The following GRID2 variants were observed in gnomAD, a reference collection of about 807,000 sequenced individuals.
GRID2 encodes the protein glutamate receptor ionotropic, delta-2.
Under a neutral mutation model 114.8 loss-of-function variants are expected in GRID2, and 33 were observed. The observed-to-expected ratio is 0.29, with a 90% CI of 0.22 to 0.38. GRID2 has a LOEUF of 0.38. GRID2 is among the 10% of genes least tolerant of loss of function. The probability of loss-of-function intolerance (pLI) is 1.00; values close to 1 mark genes in which losing one functional copy is unlikely to be tolerated. For missense variants in GRID2, 1,184 were observed against 1,257.7 expected (o/e 0.94, Z 0.89); for synonymous variants, 505 against 449.9 (o/e 1.12, Z -1.55).
intron 14 of GRID2, among the ~76,000 whole-genome samples, chr4:93,741,238 G>A (rs1458822843): frequency 2.3e-5 from 3 of 132,130 alleles, no homozygotes; most frequent in East Asian, 4.3e-4. Context: ...ACTTACCAAG[G>A]TTTTGACTCA....
intron 1 of GRID2, among the ~76,000 whole-genome samples, chr4:92,478,788 G>A (rs1722441601): frequency 6.6e-6 from 1 of 151,696 alleles, no homozygotes; most frequent in Admixed American, 6.6e-5. Flanking sequence ...CCTTCTGTAC[G>A]CCTCTCCCAA....
At chr4:92,460,570 A>G (rs1721446218) in intron 1 of GRID2, among the ~76,000 whole-genome samples, 1 of 152,030 alleles carries the variant, frequency 6.6e-6, no homozygotes, top group Non-Finnish European at 1.5e-5. Context: ...AATAATTTTT[A>G]CACTTACTGC....
At chr4:92,982,022 T>TAAAAAAAAAAAAAAAAA (rs1161216679) in intron 2 of GRID2, among the ~76,000 whole-genome samples, 3 of 80,196 alleles carry the variant, frequency 3.7e-5, no homozygotes, top group Non-Finnish European at 5.1e-5. Flanking sequence ...AAAGTACTGG[T>TAAAAAAAAAAAAAAAAA]AAAAAAAAAA....
At position 92,567,121 on chromosome 4, in the gene GRID2, T is replaced by A. The variant is rs78251701; in HGVS notation, c.89-23010T>A. 3.5e-3 allele frequency among the ~76,000 whole-genome samples: 537 copies of A among 152,184 alleles called. 1 individual carries two copies. Among genetic ancestry groups the A allele is most frequent in the African/African-American group, 0.013 (520 of 41,552 alleles). ...AAACAAGTATTACAGAAAAGTAATA[T>A]GTTAACATTAGTTTATGTATGAAAT... On this transcript the variant is annotated intron_variant, in intron 1 of 15. Coordinates refer to ENST00000282020, the MANE Select transcript of GRID2 (RefSeq NM_001510.4).
intron 2 of GRID2, among the ~76,000 whole-genome samples, chr4:92,755,680 A>T (rs1246935459): frequency 6.6e-6 from 1 of 152,194 alleles, no homozygotes; most frequent in African/African-American, 2.4e-5. Context: ...GTATGGATAA[A>T]ACAGAGTTGT....
intron 13 of GRID2, among the ~76,000 whole-genome samples, chr4:93,613,567 T>A (rs1741210319): frequency 1.1e-5 from 1 of 89,682 alleles, no homozygotes; most frequent in African/African-American, 4.3e-5. Context: ...TGGAATACCC[T>A]GCCGTGTGAG....
At chr4:92,913,461 A>G (rs993270750) in intron 2 of GRID2, among the ~76,000 whole-genome samples, 1 of 151,918 alleles carries the variant, frequency 6.6e-6, no homozygotes, top group African/African-American at 2.4e-5. Context: ...ATGTCTTTCA[A>G]GATTATCCTA....
chr4:92,957,536 C>G (rs973942806), intron 2 of GRID2, among the ~76,000 whole-genome samples: 2 of 152,074 alleles, frequency 1.3e-5, no homozygotes, highest in South Asian at 4.1e-4. Context: ...CAATACCACA[C>G]TCTCTTGACC....
At chr4:92,453,028 T>C (rs1721022978) in intron 1 of GRID2, among the ~76,000 whole-genome samples, 1 of 151,726 alleles carries the variant, frequency 6.6e-6, no homozygotes, top group African/African-American at 2.4e-5. Context: ...TTTCTACTTA[T>C]GAATATGTGG....
intron 2 of GRID2, among the ~76,000 whole-genome samples, chr4:92,893,644 T>C (rs1054075117): frequency 6.6e-6 from 1 of 152,154 alleles, no homozygotes; most frequent in Non-Finnish European, 1.5e-5. Context: ...TCCATGCTTT[T>C]CTTGGGTGTA....
chr4:93,791,888 A>G (rs1490335392), intron 1 of GRID2, among the ~76,000 whole-genome samples: 1 of 152,244 alleles, frequency 6.6e-6, no homozygotes, highest in Admixed American at 6.5e-5. Flanking sequence ...TGAAAAATAA[A>G]GTATTTTAAA....
At chr4:92,683,696 C>T (rs1342311075) in intron 2 of GRID2, among the ~76,000 whole-genome samples, 1 of 149,306 alleles carries the variant, frequency 6.7e-6, no homozygotes, top group Non-Finnish European at 1.5e-5. Flanking sequence ...CAAAGCAAAA[C>T]AAAAAAGATT....
intron 10 of GRID2, among the ~76,000 whole-genome samples, chr4:93,450,109 A>C (rs181018073): frequency 1.0e-3 from 152 of 152,078 alleles, no homozygotes; most frequent in African/African-American, 3.2e-3. Flanking sequence ...AAAAGTGTAT[A>C]ATTTATATCA....
chr4:93,660,587 T>C lies in GRID2; in HGVS notation c.2360+34152T>C, dbSNP rs539492289. 1.0e-4 allele frequency among the ~76,000 whole-genome samples: 12 copies of C among 118,252 alleles called. No homozygotes were observed. The East Asian group carries it at 2.8e-3, about 28-fold the overall frequency. The allele number at this position is 118,252 out of a possible 152,430, so 77.6% of individuals were successfully genotyped here. A position where few individuals can be genotyped will look rare whatever the true frequency, so the allele number is the denominator to read the frequency against. On this transcript the variant is annotated intron_variant, in intron 14 of 15. Coordinates refer to ENST00000282020, the MANE Select transcript of GRID2 (RefSeq NM_001510.4). ...ATCTGCCTCCCTCCCCCACAACATG[T>C]GAGTAAAAAGTTTAAAAATATATTT...
intron 13 of GRID2, among the ~76,000 whole-genome samples, chr4:93,596,871 C>T (rs73839601): frequency 0.033 from 4,983 of 152,206 alleles, 266 homozygotes; most frequent in African/African-American, 0.11. Context: ...TGATTTAATA[C>T]GGATCTGGTT....
At chr4:93,000,409 C>A (rs1313823700) in intron 2 of GRID2, among the ~76,000 whole-genome samples, 2 of 151,630 alleles carry the variant, frequency 1.3e-5, no homozygotes, top group East Asian at 3.9e-4. Flanking sequence ...TTCTGATATA[C>A]CTTTTTTGTT....
chr4:92,651,195 G>C lies in GRID2; in HGVS notation c.244+60909G>C, dbSNP rs566445478. Reference sequence around the variant, plus strand: ...CAGAATAAATGTCTATTGCAATAAAGATAAAACACTGCCCCTTCCATGATG... The same window carrying C: ...CAGAATAAATGTCTATTGCAATAAACATAAAACACTGCCCCTTCCATGATG... On this transcript the variant is annotated intron_variant, in intron 2 of 15. Transcript: ENST00000282020. Among the ~76,000 whole-genome samples, 5 of 152,190 alleles carry C rather than the reference G, an allele frequency of 3.3e-5. No homozygotes were observed. In the East Asian group the frequency reaches 9.7e-4, roughly 29 times the overall value.
chr4:92,775,596 C>T (rs542533707), intron 2 of GRID2, among the ~76,000 whole-genome samples: 6 of 152,234 alleles, frequency 3.9e-5, no homozygotes, highest in Admixed American at 1.3e-4. Flanking sequence ...TGTATACATA[C>T]GGGCTCAGGA....
At chr4:92,642,410 T>C (rs1022831313) in intron 2 of GRID2, among the ~76,000 whole-genome samples, 3 of 151,908 alleles carry the variant, frequency 2.0e-5, no homozygotes, top group African/African-American at 7.2e-5. Context: ...CATTTTTTCA[T>C]ATGTTTGTGG....
Sources: gnomAD v4.1 joint callset for allele counts (sites outside exome capture counted in the v4.1 genomes callset) on GRCh38, gnomAD v4.1.1 for gene constraint, MANE v1.5 for transcripts, NCBI Gene and HGNC (gene_info 2026-07-23, HGNC 2026-07-21) for gene names.